DPH6: variants seen among roughly 807,000 people sequenced by gnomAD.
The protein encoded by DPH6 is diphthamine biosynthesis 6, also known as diphthine--ammonia ligase.
DPH6 carries 33 observed loss-of-function variants against 38.2 expected under a neutral mutation model. The observed-to-expected ratio is 0.86, with a 90% CI of 0.65 to 1.15. The LOEUF (loss-of-function observed/expected upper bound fraction) is 1.15. Among genes scored for constraint, DPH6 ranks in the 50% most tolerant of loss-of-function variants. The probability of loss-of-function intolerance (pLI) is 0.00; values close to 1 mark genes in which losing one functional copy is unlikely to be tolerated. For missense variants in DPH6, 325 were observed against 320.0 expected, an observed-to-expected ratio of 1.02 and a Z score of -0.12; for synonymous variants, 108 against 103.0, an observed-to-expected ratio of 1.05 and a Z score of -0.30.
chr15:35,457,077 C>G (rs2054006405), intron 3 of DPH6, among the ~76,000 whole-genome samples: 1 of 151,976 alleles, frequency 6.6e-6, no homozygotes, highest in African/African-American at 2.4e-5. Flanking sequence ...CCTCAGCCTC[C>G]AGAGTAACTG....
At chr15:35,252,183 T>C (rs1225292322) in intron 3 of DPH6, among the ~76,000 whole-genome samples, 1 of 152,188 alleles carries the variant, frequency 6.6e-6, no homozygotes, top group East Asian at 1.9e-4. Flanking sequence ...TACAATATGA[T>C]AGACATGATT....
chr15:35,161,873 T>C, the DPH6 span, among the ~76,000 whole-genome samples: 1 of 151,974 alleles, frequency 6.6e-6, no homozygotes. Context: ...CAGTTGTTGG[T>C]ATTTTGTTAT....
rs116816440 is a variant in DPH6 at position 35,413,674 on chromosome 15, T to G, written c.506-2778A>C. ...TCAAATTTTTTGTATTGTTTTTGTT[T>G]TAGATGCCCACATATAATTGGATTT... On this transcript the variant is annotated intron_variant, in intron 5 of 8. Transcript: ENST00000256538. Among the ~76,000 whole-genome samples, 731 of 151,714 alleles carry G rather than the reference T, an allele frequency of 4.8e-3. 3 individuals carry two copies. Among genetic ancestry groups the G allele is most frequent in the African/African-American group, 0.017 (703 of 41,512 alleles).
intron 3 of DPH6, among the ~76,000 whole-genome samples, chr15:35,512,235 T>C (rs2054784367): frequency 6.6e-6 from 1 of 152,118 alleles, no homozygotes; most frequent in Non-Finnish European, 1.5e-5. Flanking sequence ...ATTGATTTAC[T>C]CACAGAAAAT....
At chr15:35,189,821 C>CG in the DPH6 span, among the ~76,000 whole-genome samples, 2 of 152,002 alleles carry the variant, frequency 1.3e-5, no homozygotes, top group African/African-American at 4.8e-5. Flanking sequence ...TCCTTTTTAC[C>CG]GGGGGCTGCA....
At position 35,231,253 on chromosome 15, in the gene DPH6, A is replaced by G. The variant is rs368702751; in HGVS notation, n.201-10671T>C. ...ATGCTCCCTCCTTGGGTGGGTGTCA[A>G]CTGAGTTTGGTCTGGTTTTGCTTTT... On this transcript the variant is annotated intron_variant and non_coding_transcript_variant, in intron 3 of 3. Transcript: ENST00000560386. Among the ~76,000 whole-genome samples, 22 of 152,330 alleles carry G rather than the reference A, an allele frequency of 1.4e-4. 4 individuals carry two copies. The highest frequency in any genetic ancestry group is 5.8e-4 in the East Asian group (3 of 5,178).
intron 3 of DPH6, chr15:35,299,529 C>T (rs2052040244): frequency 1.6e-6 from 1 of 608,962 alleles, no homozygotes; most frequent in East Asian, 3.1e-5. Flanking sequence ...CAGGAGCCAA[C>T]GGCGGCACCA....
intron 6 of DPH6, among the ~76,000 whole-genome samples, chr15:35,393,174 G>T (rs1175055288): frequency 6.6e-6 from 1 of 152,174 alleles, no homozygotes; most frequent in Non-Finnish European, 1.5e-5. Context: ...AAAAAGAACT[G>T]AGCAGCTGGA....
chr15:35,335,176 T>C (rs2052359804), intron 3 of DPH6, among the ~76,000 whole-genome samples: 1 of 152,186 alleles, frequency 6.6e-6, no homozygotes, highest in Non-Finnish European at 1.5e-5. Flanking sequence ...TTTTTACATA[T>C]GTTTGTTGGC....
intron 3 of DPH6, among the ~76,000 whole-genome samples, chr15:35,460,648 GATTATC>G (rs775483101): frequency 5.3e-4 from 81 of 152,272 alleles, no homozygotes; most frequent in Admixed American, 1.2e-3. Flanking sequence ...CTCTGAGGTG[GATTATC>G]ATTATCTTCC....
chr15:35,274,872 C>T (rs1442421393), intron 3 of DPH6, among the ~76,000 whole-genome samples: 5 of 151,962 alleles, frequency 3.3e-5, no homozygotes, highest in African/African-American at 7.3e-5. Flanking sequence ...TACCATTTGA[C>T]CCAGCAATCC....
chr15:35,539,721 T>C (rs1202972665), intron 2 of DPH6, among the ~76,000 whole-genome samples: 1 of 152,056 alleles, frequency 6.6e-6, no homozygotes, highest in South Asian at 2.1e-4. Context: ...TGTATGAATA[T>C]AAGCCAAACA....
At chr15:35,210,815 G>C in the DPH6 span, among the ~76,000 whole-genome samples, 5 of 151,936 alleles carry the variant, frequency 3.3e-5, no homozygotes, top group African/African-American at 4.8e-5. Flanking sequence ...TATGGGATAG[G>C]GGCTGTGGGT....
intron 3 of DPH6, among the ~76,000 whole-genome samples, chr15:35,250,977 C>A (rs1459397028): frequency 6.6e-6 from 1 of 152,014 alleles, no homozygotes; most frequent in East Asian, 1.9e-4. Context: ...ATAAGTCGTG[C>A]CAAGCAATCT....
intron 3 of DPH6, among the ~76,000 whole-genome samples, chr15:35,510,494 C>T (rs758659007): frequency 6.6e-6 from 1 of 152,164 alleles, no homozygotes; most frequent in Non-Finnish European, 1.5e-5. Flanking sequence ...AATTTTCCTA[C>T]ATTGAATAAG....
chr15:35,354,841 G>C (rs2067997255), intron 3 of DPH6, among the ~76,000 whole-genome samples: 1 of 151,990 alleles, frequency 6.6e-6, no homozygotes, highest in Non-Finnish European at 1.5e-5. Context: ...GGATATCCTT[G>C]TTAACTTTCT....
intron 3 of DPH6, among the ~76,000 whole-genome samples, chr15:35,535,281 A>T (rs1390988324): frequency 6.6e-6 from 1 of 152,210 alleles, no homozygotes; most frequent in African/African-American, 2.4e-5. Flanking sequence ...GAACCATGGA[A>T]CAATGCTGTC....
chr15:35,321,134 TTTCC>T (rs1223863406), intron 3 of DPH6, among the ~76,000 whole-genome samples: 1 of 152,236 alleles, frequency 6.6e-6, no homozygotes, highest in African/African-American at 2.4e-5. Flanking sequence ...CAGAGTTCAG[TTTCC>T]TTCCTAATCT....
chr15:35,447,334 C>A (rs2053867598), intron 5 of DPH6, among the ~76,000 whole-genome samples: 2 of 152,100 alleles, frequency 1.3e-5, no homozygotes, highest in African/African-American at 2.4e-5. Flanking sequence ...TACCAAATAC[C>A]TTATTATTTT....
Sources: gnomAD v4.1 joint callset for allele counts (sites outside exome capture counted in the v4.1 genomes callset) on GRCh38, gnomAD v4.1.1 for gene constraint, MANE v1.5 for transcripts, NCBI Gene and HGNC (gene_info 2026-07-23, HGNC 2026-07-21) for gene names.